Variants in UGT2B7 observed in about 807,000 individuals in gnomAD.
UGT2B7 encodes UDP glucuronosyltransferase family 2 member B7, also known as UDP-glucuronosyltransferase 2B7.
In UGT2B7, 51 loss-of-function variants were observed where a neutral mutation model predicts 51.9. That is an observed-to-expected ratio of 0.98 (90% CI 0.78 to 1.24). The LOEUF (loss-of-function observed/expected upper bound fraction) is 1.24, where lower values mean the gene tolerates loss of function less well. Among genes scored for constraint, UGT2B7 ranks in the 50% most tolerant of loss-of-function variants. UGT2B7 has a pLI of 0.00. For synonymous variants in UGT2B7, 225 were observed against 211.6 expected (o/e 1.06, Z -0.55); for missense variants, 727 against 628.4 (o/e 1.16, Z -1.68).
intron 1 of UGT2B7, among the ~76,000 whole-genome samples, chr4:69,053,201 C>T (rs975173488): frequency 2.6e-5 from 4 of 151,966 alleles, no homozygotes; most frequent in Admixed American, 2.6e-4. Flanking sequence ...ATATTAATAG[C>T]ATACTAATAT....
At chr4:69,064,104 A>AGAGAGAGAGAGAGAGAGAGAGAGAG (rs1560499781) in intron 1 of UGT2B7, among the ~76,000 whole-genome samples, 1 of 110,568 alleles carries the variant, frequency 9.0e-6, no homozygotes, top group Non-Finnish European at 1.8e-5. Flanking sequence ...AAGAGAAAGA[A>AGAGAGAGAGAGAGAGAGAGAGAGAG]AGAAAGAAAA....
chr4:69,069,995 G>C (rs1718566338), intron 1 of UGT2B7: 1 of 151,934 alleles, frequency 6.6e-6, no homozygotes, highest in Non-Finnish European at 1.5e-5. Flanking sequence ...CATTTTTCAA[G>C]ACCTGTGCCT....
intron 1 of UGT2B7, among the ~76,000 whole-genome samples, chr4:69,081,993 T>A (rs564350960): frequency 1.6e-4 from 25 of 152,248 alleles, no homozygotes; most frequent in African/African-American, 5.8e-4. Context: ...TGTGACCCAT[T>A]TTGCTAATTT....
intron 1 of UGT2B7, among the ~76,000 whole-genome samples, chr4:69,065,159 C>T (rs1430117596): frequency 6.6e-6 from 1 of 152,096 alleles, no homozygotes; most frequent in Non-Finnish European, 1.5e-5. Flanking sequence ...GGGCTCTTTA[C>T]TTACCCTAAT....
At chr4:69,074,929 A>G (rs1304193975) in intron 1 of UGT2B7, among the ~76,000 whole-genome samples, 2 of 152,140 alleles carry the variant, frequency 1.3e-5, no homozygotes, top group Non-Finnish European at 2.9e-5. Flanking sequence ...AGTGGGAAAA[A>G]GTTGAGTCGC....
chr4:69,072,881 A>G (rs190712349), intron 1 of UGT2B7, among the ~76,000 whole-genome samples: 1 of 152,302 alleles, frequency 6.6e-6, no homozygotes, highest in East Asian at 1.9e-4. Context: ...ATTTGTTATC[A>G]TTATAAAAGT....
upstream of UGT2B7, among the ~76,000 whole-genome samples, chr4:69,092,314 G>A (rs557124728): frequency 2.0e-5 from 3 of 152,290 alleles, no homozygotes; most frequent in South Asian, 6.2e-4. Flanking sequence ...TTCTTTAATT[G>A]AATTGGGTGG....
At chr4:69,064,090 A>C (rs368517696) in intron 1 of UGT2B7, among the ~76,000 whole-genome samples, 1 of 97,586 alleles carries the variant, frequency 1.0e-5, no homozygotes, top group Non-Finnish European at 2.0e-5. Flanking sequence ...GAAAGAAAGA[A>C]AGAAAGAGAA....
intron 2 of UGT2B7, among the ~76,000 whole-genome samples, chr4:69,099,116 A>G (rs1264621060): frequency 6.6e-6 from 1 of 152,034 alleles, no homozygotes; most frequent in Admixed American, 6.6e-5. Flanking sequence ...AAAATTATAT[A>G]AAAACTATTA....
At chr4:69,067,421 CT>C in intron 1 of UGT2B7, 1 of 159,180 alleles carries the variant, frequency 6.3e-6, no homozygotes. Flanking sequence ...CAAACCAAAG[CT>C]TTTATAACTC....
intron 1 of UGT2B7, chr4:69,069,586 A>C (rs1040925036): frequency 1.3e-5 from 2 of 151,972 alleles, no homozygotes; most frequent in African/African-American, 4.8e-5. Context: ...AATTTCACAT[A>C]TTTATCTTTT....
Position 69,052,594 on chromosome 4 carries a change from A to AGTGTTAT in UGT2B7, c.-159+992_-159+993insGTGTTAT, listed in dbSNP as rs1334676527. 1.1e-3 allele frequency among the ~76,000 whole-genome samples: 51 copies of AGTGTTAT among 46,898 alleles called. 1 individual carries two copies. Among genetic ancestry groups the AGTGTTAT allele is most frequent in the African/African-American group, 4.8e-3 (26 of 5,448 alleles). The allele number at this position is 46,898 out of a possible 152,430, so 30.8% of individuals were successfully genotyped here. Reference sequence around the variant, plus strand: ...CAAAAAAAAAAAAAAAAAAAAAAAGAAGGGGAGGCAAAATTTACGTAAAAA... The same window carrying AGTGTTAT: ...CAAAAAAAAAAAAAAAAAAAAAAAGAGTGTTATAGGGGAGGCAAAATTTACGTAAAAA... On this transcript the variant is annotated intron_variant, in intron 1 of 5. Coordinates refer to the UGT2B7 transcript ENST00000502942.
intron 5 of UGT2B7, among the ~76,000 whole-genome samples, chr4:69,111,891 G>C (rs115934091): frequency 2.0e-3 from 308 of 152,234 alleles, no homozygotes; most frequent in African/African-American, 7.1e-3. Flanking sequence ...TCAATTCTTT[G>C]ACATTTATTT....
intron 1 of UGT2B7, among the ~76,000 whole-genome samples, chr4:69,071,766 A>G (rs1376772988): frequency 2.0e-5 from 3 of 152,102 alleles, no homozygotes; most frequent in Non-Finnish European, 4.4e-5. Flanking sequence ...TTGCCACTAG[A>G]AAGAAACAAA....
chr4:69,106,081 T>A (rs571112442), intron 3 of UGT2B7, among the ~76,000 whole-genome samples: 3 of 152,150 alleles, frequency 2.0e-5, no homozygotes, highest in Non-Finnish European at 4.4e-5. Context: ...TTTTTAATTT[T>A]AAAAAATTAA....
intron 1 of UGT2B7, chr4:69,051,719 G>A (rs1202969366): frequency 6.6e-6 from 1 of 152,230 alleles, no homozygotes; most frequent in Non-Finnish European, 1.5e-5. Flanking sequence ...TGACTTGGTA[G>A]GACTAGTCTT....
chr4:69,075,922 CA>C (rs1718692719), intron 1 of UGT2B7, among the ~76,000 whole-genome samples: 2 of 152,006 alleles, frequency 1.3e-5, no homozygotes, highest in Admixed American at 1.3e-4. Context: ...AATGCTATTC[CA>C]CCCCTAGCCC....
At chr4:69,107,042 T>C in intron 3 of UGT2B7, 133 bp from the exon 4 acceptor site, 1 of 968,884 alleles carries the variant, frequency 1.0e-6, no homozygotes, top group Non-Finnish European at 1.5e-6. Context: ...GTGAGTATTC[T>C]ATTTACATTA....
rs58121670 is a variant in UGT2B7, at chr4:69,099,257, CAAA to C, written c.870+588_870+590del. Among the ~76,000 whole-genome samples, 993 of 105,690 alleles carry C rather than the reference CAAA, an allele frequency of 9.4e-3. 4 individuals carry two copies. Among genetic ancestry groups the C allele is most frequent in the African/African-American group, 0.028 (872 of 30,728 alleles). The allele number at this position is 105,690 out of a possible 152,430, so 69.3% of individuals were successfully genotyped here. ...TAAAAGAATGACGGGGAGAGACAGA[CAAA>C]AAAAAAAAAAAAAAAAAAGAAGCAG... On this transcript the variant is annotated intron_variant, in intron 2 of 5. Transcript: ENST00000305231.
Sources: gnomAD v4.1 joint callset for allele counts (sites outside exome capture counted in the v4.1 genomes callset) on GRCh38, gnomAD v4.1.1 for gene constraint, MANE v1.5 for transcripts, NCBI Gene and HGNC (gene_info 2026-07-23, HGNC 2026-07-21) for gene names.